Variants in SCN9A observed in about 807,000 individuals in gnomAD.
The protein encoded by SCN9A is sodium channel protein type 9 subunit alpha.
SCN9A carries 131 observed loss-of-function variants against 187.0 expected under a neutral mutation model. The ratio of observed to expected loss-of-function variants is 0.70; its 90% confidence interval spans 0.61 to 0.81. The LOEUF is 0.81. SCN9A is among the 30% of genes least tolerant of loss of function. SCN9A has a pLI of 0.00. For missense variants in SCN9A, 2,252 were observed against 2,396.6 expected (o/e 0.94, Z 1.26); for synonymous variants, 809 against 808.6 (o/e 1.00, Z -0.01).
chr2:166,268,029 A>G (rs772627708), intron 17 of SCN9A, among the ~76,000 whole-genome samples: 42 of 152,000 alleles, frequency 2.8e-4, no homozygotes, highest in Admixed American at 6.6e-4. Context: ...TCATCACGCT[A>G]TCTCTTTTAA....
At chr2:166,223,371 TACAC>T (rs141123431) in intron 24 of SCN9A, among the ~76,000 whole-genome samples, 1 of 151,202 alleles carries the variant, frequency 6.6e-6, no homozygotes. Flanking sequence ...CGTGTGCACG[TACAC>T]ACACACACAC....
chr2:166,340,481 CTTTCTTTT>C (rs1157153929), intron 1 of SCN9A, among the ~76,000 whole-genome samples: 5 of 151,338 alleles, frequency 3.3e-5, no homozygotes, highest in African/African-American at 1.2e-4. Context: ...CTTTCTTTCT[CTTTCTTTT>C]TTTCTTTCTT....
chr2:166,236,824 T>C (rs1695339165), intron 20 of SCN9A, among the ~76,000 whole-genome samples: 1 of 152,242 alleles, frequency 6.6e-6, no homozygotes, highest in African/African-American at 2.4e-5. Context: ...TTTTACTATG[T>C]ATGATCATGC....
intron 1 of SCN9A, among the ~76,000 whole-genome samples, chr2:166,372,015 GTTGT>G (rs144016113): frequency 0.011 from 1,720 of 152,220 alleles, 19 homozygotes; most frequent in Middle Eastern, 0.02. Flanking sequence ...AGCAAAACTA[GTTGT>G]TTGTTTAATA....
rs1163857479 is a variant in SCN9A at position 166,213,479 on chromosome 2, A to ATAATAG, written c.4399-9016_4399-9015insCTATTA. Among the ~76,000 whole-genome samples the ATAATAG allele has an allele frequency of 2.7e-5, 4 of 147,728 alleles. No homozygotes were observed. The Admixed American group carries it at 2.7e-4, about 10-fold the overall frequency. On this transcript the variant is annotated intron_variant, in intron 24 of 26. Transcript: ENST00000642356. ...TGAACCAATAATAATAATAATAATAATAATAATAATAATAATGATAATGAT... is the reference window on the plus strand; with the variant it reads ...TGAACCAATAATAATAATAATAATAATAATAGTAATAATAATAATAATGATAATGAT...
At chr2:166,209,346 A>G (rs1202592114) in intron 24 of SCN9A, among the ~76,000 whole-genome samples, 8 of 152,216 alleles carry the variant, frequency 5.3e-5, no homozygotes, top group Non-Finnish European at 5.9e-5. Context: ...AGATTTATAA[A>G]TTGCCTAAAA....
At chr2:166,289,479 T>A (rs1486945205) in intron 9 of SCN9A, among the ~76,000 whole-genome samples, 1 of 152,110 alleles carries the variant, frequency 6.6e-6, no homozygotes, top group South Asian at 2.1e-4. Flanking sequence ...TGATGGTTTC[T>A]AGCTTCATCC....
chr2:166,331,482 G>A (rs1039021256), intron 1 of SCN9A, among the ~76,000 whole-genome samples: 15 of 152,054 alleles, frequency 9.9e-5, no homozygotes, highest in Admixed American at 5.2e-4. Flanking sequence ...ACTCTAAATC[G>A]ACAACACCCA....
chr2:166,228,758 A>G lies in SCN9A; in HGVS notation c.4139T>C (p.Val1380Ala), dbSNP rs113161460. 1.5e-5 allele frequency: 24 copies of G among 1,613,944 alleles called. No individual in the cohort carries two copies. The African/African-American group carries it at 1.7e-4, about 12-fold the overall frequency. The change falls in exon 22 of 27, where the codon GTG becomes GCG. Residue 1380 changes from valine to alanine, a missense_variant. Transcript: ENST00000642356. The stretch of plus-strand genomic sequence containing the variant: ...GTTCACTTTCAGGTTTTTCCATCGC[A>G]CATTTTGACTAACATTCATAAGGGC... ...CFALMNVSQN[V>A]RWKNLKVNFD...
intron 1 of SCN9A, among the ~76,000 whole-genome samples, chr2:166,353,121 G>A (rs1276191713): frequency 8.0e-5 from 12 of 150,362 alleles, no homozygotes; most frequent in Non-Finnish European, 1.6e-4. Context: ...TTGGGAGGCC[G>A]AAGTGGGCAG....
Position 166,333,501 on chromosome 2 carries a change from G to C in SCN9A, c.-50-21695C>G, listed in dbSNP as rs7606521. Among the ~76,000 whole-genome samples the C allele has an allele frequency of 9.2e-3, 1,394 of 152,100 alleles. 31 individuals carry two copies. Among genetic ancestry groups the C allele is most frequent in the African/African-American group, 0.03 (1,265 of 41,516 alleles). On this transcript the variant is annotated intron_variant, in intron 1 of 26. Transcript: ENST00000642356. ...ATTAATGAGAACATCGTGAAGTCCAGCTTATAAGTCCAGCTTATTGAACAT... is the reference window on the plus strand; with the variant it reads ...ATTAATGAGAACATCGTGAAGTCCACCTTATAAGTCCAGCTTATTGAACAT...
Position 166,373,803 on chromosome 2 carries a change from T to C in SCN9A, c.-51+1894A>G, listed in dbSNP as rs184260785. Among the ~76,000 whole-genome samples the C allele has an allele frequency of 2.7e-3, 406 of 152,302 alleles. 3 individuals carry two copies. Among genetic ancestry groups the C allele is most frequent in the African/African-American group, 9.4e-3 (392 of 41,554 alleles). On this transcript the variant is annotated intron_variant, in intron 1 of 26. Transcript: ENST00000642356. ...CTCTTTTACAAGATCATGACTTGTC[T>C]TAGAAAAGTACCATATAAATCCTTC...
At position 166,197,700 on chromosome 2, in the gene SCN9A, A is replaced by G. The variant is rs1234172366; in HGVS notation, c.*972T>C. ...CTGCATATCAGGAAGGATTTCATCA[A>G]CTTTGCTTACAGCGAAAGGATGACT... is the stretch of plus-strand genomic sequence containing the variant. On this transcript the variant is annotated 3_prime_UTR_variant, in exon 27 of 27. Transcript: ENST00000642356. The G allele has an allele frequency of 6.6e-6, 1 of 152,336 alleles. No individual in the cohort carries two copies. Among genetic ancestry groups the G allele is most frequent in the Admixed American group, 6.5e-5 (1 of 15,300 alleles). 9.4% of individuals were successfully genotyped at this position (152,336 alleles called of 1,614,324 possible). A position where few individuals can be genotyped will look rare whatever the true frequency, so the allele number is the denominator to read the frequency against.
chr2:166,280,696 T>C, intron 13 of SCN9A, 101 bp from the exon 14 acceptor site: 1 of 708,048 alleles, frequency 1.4e-6, no homozygotes, highest in South Asian at 2.0e-5. Context: ...ACAAGGTTTA[T>C]AGTTTAGATT....
At position 166,226,570 on chromosome 2, in the gene SCN9A, C is replaced by T; in HGVS notation, c.4395G>A (p.Lys1465=). 6.5e-7 allele frequency: 1 copy of T among 1,542,352 alleles called. No individual in the cohort carries two copies. Among genetic ancestry groups the T allele is most frequent in the Middle Eastern group, 1.7e-4 (1 of 5,860 alleles). ...GAAAAATATTTGAAATACTTATCTT[C>T]TTTTTCTGTTGGTTGAAATTATCTA... is the stretch of plus-strand genomic sequence containing the variant. ...VIIDNFNQQK[K]KLGGQDIFMT... The change falls in exon 24 of 27, where the codon AAG becomes AAA. Residue 1465 remains lysine, a synonymous_variant. Coordinates refer to ENST00000642356, the MANE Select transcript of SCN9A (RefSeq NM_001365536.1).
At chr2:166,216,665 A>T (rs1694344048) in intron 24 of SCN9A, among the ~76,000 whole-genome samples, 1 of 151,952 alleles carries the variant, frequency 6.6e-6, no homozygotes, top group South Asian at 2.1e-4. Context: ...AAATACTTTG[A>T]AGTAAATTTA....
At chr2:166,324,405 G>A (rs1028799581) in intron 1 of SCN9A, among the ~76,000 whole-genome samples, 1 of 152,092 alleles carries the variant, frequency 6.6e-6, no homozygotes, top group African/African-American at 2.4e-5. Context: ...GTGGACAAAT[G>A]TAAAGATAAA....
chr2:166,348,171 G>A (rs976574766), intron 1 of SCN9A, among the ~76,000 whole-genome samples: 1 of 151,662 alleles, frequency 6.6e-6, no homozygotes, highest in Admixed American at 6.6e-5. Context: ...TACCACCTTA[G>A]CACATGTGTA....
In SCN9A at chr2:166,204,351, T is replaced by TA. The variant is rs767624579; in HGVS notation, c.4503+8_4503+9insT. ...AATCTATATGCTAAAGATATATATA[T>TA]TTTTTTACCCCTGGTCGAGGAATTG... is the stretch of plus-strand genomic sequence containing the variant. On this transcript the variant is annotated intron_variant, in intron 25 of 26. Coordinates refer to ENST00000642356, the MANE Select transcript of SCN9A (RefSeq NM_001365536.1). 6.9e-6 allele frequency: 11 copies of TA among 1,593,380 alleles called. No individual in the cohort carries two copies. Among genetic ancestry groups the TA allele is most frequent in the African/African-American group, 1.3e-5 (1 of 74,314 alleles).
Sources: allele counts gnomAD v4.1 joint callset (sites outside exome capture counted in the v4.1 genomes callset), GRCh38; gene constraint gnomAD v4.1.1; transcripts MANE v1.5; gene names NCBI Gene and HGNC (gene_info 2026-07-23, HGNC 2026-07-21).